CYBRD1: variants seen among roughly 807,000 people sequenced by gnomAD.
CYBRD1 encodes the protein cytochrome b reductase 1, also known as plasma membrane ascorbate-dependent reductase CYBRD1.
A neutral mutation model predicts 21.9 loss-of-function variants in CYBRD1; 14 were observed. The observed-to-expected ratio is 0.64, with a 90% CI of 0.42 to 1.00. The LOEUF (loss-of-function observed/expected upper bound fraction) is 1.00. Among genes scored for constraint, CYBRD1 ranks in the 50% least tolerant of loss-of-function variants. The pLI, the probability that CYBRD1 is intolerant of heterozygous loss-of-function variation, is 0.00. For missense variants in CYBRD1, 328 were observed against 352.5 expected, an observed-to-expected ratio of 0.93 and a Z score of 0.56; for synonymous variants, 146 against 136.5, an observed-to-expected ratio of 1.07 and a Z score of -0.48.
intron 2 of CYBRD1, chr2:171,550,917 T>C (rs1388754453): frequency 1.2e-5 from 2 of 169,128 alleles, no homozygotes; most frequent in Non-Finnish European, 2.5e-5. Context: ...TATGGAGATA[T>C]ATTTGTGCTA....
chr2:171,549,571 A>T (rs1337659975), intron 2 of CYBRD1, among the ~76,000 whole-genome samples: 1 of 152,184 alleles, frequency 6.6e-6, no homozygotes, highest in Non-Finnish European at 1.5e-5. Flanking sequence ...CAAATTAAAT[A>T]AAAAAACAAA....
intron 2 of CYBRD1, among the ~76,000 whole-genome samples, chr2:171,542,836 A>G (rs1697655258): frequency 1.3e-5 from 2 of 152,134 alleles, no homozygotes; most frequent in African/African-American, 4.8e-5. Flanking sequence ...AGCTGAGATT[A>G]TACCATTGCA....
chr2:171,555,510 C>T lies in CYBRD1; in HGVS notation c.*683C>T, dbSNP rs1683470678. The stretch of plus-strand genomic sequence containing the variant: ...AGAATTTCCAAAACTGAAGTTAGCC[C>T]CAAGACTTCCCTAGGGTTGATGTAC... On this transcript the variant is annotated 3_prime_UTR_variant, in exon 4 of 4. Coordinates refer to ENST00000321348, the MANE Select transcript of CYBRD1 (RefSeq NM_024843.4). 1 of 152,440 alleles carries T rather than the reference C, an allele frequency of 6.6e-6. No homozygotes were observed. Among genetic ancestry groups the T allele is most frequent in the East Asian group, 1.9e-4 (1 of 5,202 alleles). 9.4% of individuals were successfully genotyped at this position (152,440 alleles called of 1,614,324 possible).
At chr2:171,553,123 C>T (rs1683409244) in intron 2 of CYBRD1, among the ~76,000 whole-genome samples, 1 of 151,976 alleles carries the variant, frequency 6.6e-6, no homozygotes, top group South Asian at 2.1e-4. Flanking sequence ...AAGCAAGATG[C>T]AGAACAATAT....
intron 1 of CYBRD1, among the ~76,000 whole-genome samples, chr2:171,525,180 C>T (rs551158543): frequency 7.9e-5 from 12 of 152,230 alleles, no homozygotes; most frequent in African/African-American, 2.9e-4. Context: ...TCAAGTGATC[C>T]GCCTACCTCG....
intron 1 of CYBRD1, among the ~76,000 whole-genome samples, chr2:171,525,934 C>T (rs13403066): frequency 0.39 from 47,059 of 120,434 alleles, 8,517 homozygotes; most frequent in Middle Eastern, 0.47. Flanking sequence ...GCAACAAGAG[C>T]GAAACTCCCG....
intron 2 of CYBRD1, among the ~76,000 whole-genome samples, chr2:171,543,159 C>T (rs1697661102): frequency 6.6e-6 from 1 of 152,160 alleles, no homozygotes; most frequent in Non-Finnish European, 1.5e-5. Context: ...AGTACCTGTA[C>T]ATCAGAAGTC....
At chr2:171,543,042 G>A (rs1697659349) in intron 2 of CYBRD1, among the ~76,000 whole-genome samples, 1 of 151,996 alleles carries the variant, frequency 6.6e-6, no homozygotes, top group African/African-American at 2.4e-5. Flanking sequence ...ACCAGGAAAA[G>A]TAAATCAATA....
At chr2:171,522,326 C>A, upstream of CYBRD1, 2 of 1,524,126 alleles carry the variant, frequency 1.3e-6, no homozygotes, top group East Asian at 2.5e-5. The surrounding 1 kb of genome is among the most constrained non-coding windows in gnomAD (Gnocchi z 4.3). Flanking sequence ...CCTCGGCGGC[C>A]GCGTGATCCC....
chr2:171,524,976 C>T (rs13020413), intron 1 of CYBRD1, among the ~76,000 whole-genome samples: 55,411 of 152,016 alleles, frequency 0.36, 10,239 homozygotes, highest in South Asian at 0.42. Context: ...CTTGCTCTGT[C>T]GCCCAGGCTG....
Position 171,522,647 on chromosome 2 carries a change from C to T in CYBRD1, c.102C>T (p.Tyr34=). ...TCGCCCTCGTCTGGGTCCTCCACTA[C>T]CGAGAGGGGCTTGGCTGGGATGGGA... ...VIFALVWVLH[Y]REGLGWDGSA... Residue 34 remains tyrosine, a synonymous_variant, in exon 1 of 4, where the codon TAC becomes TAT. Coordinates refer to ENST00000321348, the MANE Select transcript of CYBRD1 (RefSeq NM_024843.4). This position sits in a 1 kb window ranked among gnomAD's most constrained non-coding sequence, Gnocchi z 4.3. 1 of 1,613,558 alleles carries T rather than the reference C, an allele frequency of 6.2e-7. No homozygotes were observed. Among genetic ancestry groups the T allele is most frequent in the Non-Finnish European group, 8.5e-7 (1 of 1,179,944 alleles).
rs577309798 is a variant in CYBRD1 at position 171,553,643 on chromosome 2, T to C, written c.557+143T>C. The C allele has an allele frequency of 7.1e-6, 5 of 700,266 alleles. No individual in the cohort carries two copies. In the Admixed American group the frequency reaches 1.9e-4, roughly 27 times the overall value. 43.4% of individuals were successfully genotyped at this position (700,266 alleles called of 1,614,324 possible). On this transcript the variant is annotated intron_variant, in intron 3 of 3. Transcript: ENST00000321348. ...ATTTTAAAGAATTTGTTATATCATA[T>C]AGGTAATATGATATTACTAAAAGTT...
intron 1 of CYBRD1, among the ~76,000 whole-genome samples, chr2:171,535,253 C>T (rs1697527524): frequency 6.6e-6 from 1 of 152,138 alleles, no homozygotes; most frequent in African/African-American, 2.4e-5. Context: ...CAGAGGTGAG[C>T]ACCTCTCCTG....
At chr2:171,533,696 A>G (rs1184826914) in intron 1 of CYBRD1, among the ~76,000 whole-genome samples, 3 of 151,894 alleles carry the variant, frequency 2.0e-5, no homozygotes, top group Non-Finnish European at 4.4e-5. Flanking sequence ...GAGAGTATAC[A>G]TTTTCACATA....
intron 1 of CYBRD1, among the ~76,000 whole-genome samples, chr2:171,529,833 T>C (rs547580928): frequency 6.6e-6 from 1 of 152,336 alleles, no homozygotes; most frequent in East Asian, 1.9e-4. Flanking sequence ...CTATGATCCC[T>C]GCAAGGGATA....
chr2:171,533,109 G>A lies in CYBRD1; in HGVS notation c.194-8476G>A, dbSNP rs574124069. On this transcript the variant is annotated intron_variant, in intron 1 of 3. Transcript: ENST00000321348. ...GGGCCGGGCATGGTGGCTCACGCCT[G>A]TAATCCCAGCACTTTGGGAGGCCAA... 7.6e-4 allele frequency among the ~76,000 whole-genome samples: 116 copies of A among 152,294 alleles called. 1 individual carries two copies. The highest frequency in any genetic ancestry group is 6.8e-3 in the Middle Eastern group (2 of 294).
At position 171,541,709 on chromosome 2, in the gene CYBRD1, G is replaced by C; in HGVS notation, c.318G>C (p.Glu106Asp). The C allele has an allele frequency of 6.2e-7, 1 of 1,613,112 alleles. No homozygotes were observed. The highest frequency in any genetic ancestry group is 1.1e-5 in the South Asian group (1 of 91,022). ...LAIISVVAVFENHNVNNIANM... is the reference protein window; with the variant it reads ...LAIISVVAVFDNHNVNNIANM... ...TTATCTCTGTGGTGGCCGTGTTTGA[G>C]AACCACAATGTTAACAATATAGCCA... The change falls in exon 2 of 4, where the codon GAG becomes GAC. Residue 106 changes from glutamate to aspartate, a missense_variant. Physicochemically the swap from Glu to Asp is conservative, Grantham distance 45 (BLOSUM62 2). Coordinates refer to ENST00000321348, the MANE Select transcript of CYBRD1 (RefSeq NM_024843.4).
intron 3 of CYBRD1, among the ~76,000 whole-genome samples, chr2:171,554,202 A>T (rs1258389833): frequency 6.6e-6 from 1 of 152,130 alleles, no homozygotes; most frequent in East Asian, 1.9e-4. Context: ...TGCTACTTAG[A>T]TGTGGAAAGT....
At chr2:171,524,168 G>A (rs1477546696) in intron 1 of CYBRD1, among the ~76,000 whole-genome samples, 1 of 151,800 alleles carries the variant, frequency 6.6e-6, no homozygotes, top group Admixed American at 6.6e-5. Context: ...GCATTCAAAG[G>A]CTTCCCTGGT....
Sources: allele counts gnomAD v4.1 joint callset (sites outside exome capture counted in the v4.1 genomes callset), GRCh38; gene constraint gnomAD v4.1.1; non-coding constraint Gnocchi (gnomAD v3.1); transcripts MANE v1.5; gene names NCBI Gene and HGNC (gene_info 2026-07-23, HGNC 2026-07-21).